ZRANB3: variants seen among roughly 807,000 people sequenced by gnomAD.
ZRANB3 encodes the protein DNA annealing helicase and endonuclease ZRANB3.
A neutral mutation model predicts 133.8 loss-of-function variants in ZRANB3; 125 were observed. The observed-to-expected ratio is 0.93, with a 90% CI of 0.81 to 1.08. The LOEUF (loss-of-function observed/expected upper bound fraction) is 1.08, where lower values mean the gene tolerates loss of function less well. Ranked by LOEUF, ZRANB3 falls within the 50% of genes least tolerant of loss-of-function variation. ZRANB3 has a pLI of 0.00. For missense variants in ZRANB3, 1,229 were observed against 1,275.5 expected (o/e 0.96, Z 0.56); for synonymous variants, 387 against 432.7 (o/e 0.89, Z 1.31).
chr2:135,340,160 C>T (rs1008110751), intron 6 of ZRANB3, among the ~76,000 whole-genome samples: 9 of 148,566 alleles, frequency 6.1e-5, no homozygotes, highest in African/African-American at 2.2e-4. Context: ...GGCTGGAGGG[C>T]AATGGCGCGA....
chr2:135,368,360 G>C (rs1260086207), intron 3 of ZRANB3, among the ~76,000 whole-genome samples: 1 of 151,938 alleles, frequency 6.6e-6, no homozygotes, highest in Non-Finnish European at 1.5e-5. Context: ...ATGAAAGTTA[G>C]TTTTTAGGAG....
At chr2:135,369,981 C>A (rs1365380181) in intron 3 of ZRANB3, among the ~76,000 whole-genome samples, 1 of 151,328 alleles carries the variant, frequency 6.6e-6, no homozygotes, top group Non-Finnish European at 1.5e-5. Context: ...AGATACCACA[C>A]AGAGCTATAC....
chr2:135,345,808 A>G (rs1488302295), intron 5 of ZRANB3, among the ~76,000 whole-genome samples, 173 bp from the exon 6 acceptor site: 2 of 151,658 alleles, frequency 1.3e-5, no homozygotes, highest in African/African-American at 4.9e-5. Context: ...TTGTATAAAT[A>G]TACATTTATA....
At chr2:135,432,350 A>G (rs1311573026) in intron 2 of ZRANB3, among the ~76,000 whole-genome samples, 1 of 152,234 alleles carries the variant, frequency 6.6e-6, no homozygotes, top group East Asian at 1.9e-4. Context: ...CATTCACTCA[A>G]ATATATAAAA....
chr2:135,311,905 T>C (rs1043093598), intron 8 of ZRANB3, among the ~76,000 whole-genome samples: 1 of 152,148 alleles, frequency 6.6e-6, no homozygotes, highest in African/African-American at 2.4e-5. Context: ...ATGCTATTGT[T>C]CCATTTTTGT....
chr2:135,397,638 C>T (rs561904752), intron 2 of ZRANB3, among the ~76,000 whole-genome samples: 1 of 152,194 alleles, frequency 6.6e-6, no homozygotes, highest in South Asian at 2.1e-4. Flanking sequence ...AGCCAAGAAC[C>T]CATTTCTAAT....
At chr2:135,200,568 A>G (rs1224882513) in intron 20 of ZRANB3, 128 bp from the exon 21 acceptor site, 13 of 744,716 alleles carry the variant, frequency 1.7e-5, no homozygotes, top group African/African-American at 1.8e-5. Flanking sequence ...GTGGTTGGCT[A>G]TGGAAGAGTT....
intron 3 of ZRANB3, among the ~76,000 whole-genome samples, chr2:135,383,317 C>G (rs927581467): frequency 6.6e-6 from 1 of 152,090 alleles, no homozygotes; most frequent in African/African-American, 2.4e-5. Context: ...ATACATGCAC[C>G]AAATACAGGA....
intron 3 of ZRANB3, among the ~76,000 whole-genome samples, chr2:135,375,499 CA>C (rs1474087352): frequency 6.6e-6 from 1 of 152,156 alleles, no homozygotes; most frequent in East Asian, 1.9e-4. Context: ...TCCTGGCTAA[CA>C]TGGTGAAACC....
chr2:135,318,592 T>C (rs1683371533), intron 6 of ZRANB3, among the ~76,000 whole-genome samples: 1 of 151,666 alleles, frequency 6.6e-6, no homozygotes, highest in African/African-American at 2.4e-5. Flanking sequence ...GTCTGTATAA[T>C]AATGGAAACA....
At chr2:135,513,934 G>C (rs1052904653) in intron 1 of ZRANB3, among the ~76,000 whole-genome samples, 21 of 152,094 alleles carry the variant, frequency 1.4e-4, no homozygotes, top group African/African-American at 4.6e-4. Context: ...TTGTCAAAGA[G>C]CAGATGGTTG....
intron 1 of ZRANB3, among the ~76,000 whole-genome samples, chr2:135,509,440 A>G (rs1005741635): frequency 2.6e-5 from 4 of 152,204 alleles, no homozygotes; most frequent in East Asian, 1.9e-4. Context: ...CACATGAAGT[A>G]TAAGTCAACC....
At chr2:135,348,030 G>A (rs111911277) in intron 5 of ZRANB3, among the ~76,000 whole-genome samples, 2,037 of 152,128 alleles carry the variant, frequency 0.013, 31 homozygotes, top group Middle Eastern at 0.055. Context: ...AGGCTAAGAC[G>A]AGCAGATCAC....
At chr2:135,328,941 T>C (rs1683989979) in intron 6 of ZRANB3, among the ~76,000 whole-genome samples, 2 of 152,250 alleles carry the variant, frequency 1.3e-5, no homozygotes, top group African/African-American at 4.8e-5. Flanking sequence ...TTAAGTTCTT[T>C]GCAGATTCTG....
intron 2 of ZRANB3, among the ~76,000 whole-genome samples, chr2:135,420,113 AT>A (rs1558988184): frequency 0.11 from 15,949 of 142,482 alleles, 1,308 homozygotes; most frequent in South Asian, 0.31. Context: ...ATATATATAT[AT>A]ATATATATAT....
chr2:135,278,799 T>A lies in ZRANB3; in HGVS notation c.967-3044A>T, dbSNP rs564365005. On this transcript the variant is annotated intron_variant, in intron 8 of 20. Coordinates refer to ENST00000264159, the MANE Select transcript of ZRANB3 (RefSeq NM_032143.4). The stretch of plus-strand genomic sequence containing the variant: ...TCCATAGCATACCATGTTTCACCTG[T>A]AAATGTTATAAATATGGTTCTAATA... Among the ~76,000 whole-genome samples, 4 of 152,284 alleles carry A rather than the reference T, an allele frequency of 2.6e-5. No individual in the cohort carries two copies. In the East Asian group the frequency reaches 7.7e-4, roughly 29 times the overall value.
At chr2:135,423,193 AAGGCTG>A (rs1688934955) in intron 2 of ZRANB3, among the ~76,000 whole-genome samples, 1 of 152,096 alleles carries the variant, frequency 6.6e-6, no homozygotes. Flanking sequence ...AACACTTTGG[AAGGCTG>A]AGGCGGGCTG....
chr2:135,489,811 G>GA (rs2104804639), intron 2 of ZRANB3, among the ~76,000 whole-genome samples: 1 of 151,666 alleles, frequency 6.6e-6, no homozygotes, highest in East Asian at 1.9e-4. Context: ...ATGCAAAAGA[G>GA]AAAAAAACAA....
At chr2:135,404,333 C>A (rs1687901526) in intron 2 of ZRANB3, among the ~76,000 whole-genome samples, 1 of 152,060 alleles carries the variant, frequency 6.6e-6, no homozygotes, top group African/African-American at 2.4e-5. Flanking sequence ...ATTCTATCAA[C>A]TGGAAGAAAG....
Sources: allele counts gnomAD v4.1 joint callset (sites outside exome capture counted in the v4.1 genomes callset), GRCh38; gene constraint gnomAD v4.1.1; transcripts MANE v1.5; gene names NCBI Gene and HGNC (gene_info 2026-07-23, HGNC 2026-07-21).